Variants in PDE10A observed in about 807,000 individuals in gnomAD.
The protein encoded by PDE10A is phosphodiesterase 10A.
Under a neutral mutation model 97.7 loss-of-function variants are expected in PDE10A, and 39 were observed. The observed-to-expected ratio is 0.40, with a 90% confidence interval of 0.31 to 0.52. The LOEUF (loss-of-function observed/expected upper bound fraction) is 0.52, where lower values mean the gene tolerates loss of function less well. PDE10A is among the 20% of genes least tolerant of loss of function. The pLI is 0.56. For synonymous variants in PDE10A, 371 were observed against 376.8 expected, an observed-to-expected ratio of 0.98 and a Z score of 0.18; for missense variants, 731 against 1,047.8, an observed-to-expected ratio of 0.70 and a Z score of 4.17.
rs926145196 is a variant in PDE10A at position 165,932,883 on chromosome 6, G to A, written c.-615+54646C>T. Among the ~76,000 whole-genome samples the A allele has an allele frequency of 1.3e-4, 20 of 152,322 alleles. No homozygotes were observed. The East Asian group carries it at 1.5e-3, about 12-fold the overall frequency. ...TGGATAGCAGGTTGCCCTGCTCCAG[G>A]CATTCCCCTCCACAACCCCTCCAAG... is the stretch of plus-strand genomic sequence containing the variant. On this transcript the variant is annotated intron_variant, in intron 1 of 19. Coordinates refer to the PDE10A transcript ENST00000366882.
chr6:165,488,629 G>A (rs959084087), intron 2 of PDE10A, among the ~76,000 whole-genome samples: 1 of 152,136 alleles, frequency 6.6e-6, no homozygotes, highest in Non-Finnish European at 1.5e-5. Flanking sequence ...GCAGCTGCAG[G>A]CTCCATGAGA....
intron 2 of PDE10A, among the ~76,000 whole-genome samples, chr6:165,502,228 T>G (rs978314183): frequency 1.3e-5 from 2 of 152,042 alleles, no homozygotes; most frequent in East Asian, 3.9e-4. Context: ...ACAGTAGACA[T>G]AAAAGACACA....
intron 18 of PDE10A, among the ~76,000 whole-genome samples, chr6:165,354,942 GTGAATTT>G (rs149247754): frequency 0.076 from 11,534 of 152,190 alleles, 501 homozygotes; most frequent in Middle Eastern, 0.2. Flanking sequence ...ATGTAAATGT[GTGAATTT>G]TGAACTCATT....
chr6:165,859,359 T>A (rs2128476360), intron 1 of PDE10A, among the ~76,000 whole-genome samples: 1 of 152,358 alleles, frequency 6.6e-6, no homozygotes, highest in African/African-American at 2.4e-5. Context: ...ACTGGTGTTG[T>A]GCTTAACATA....
chr6:165,362,091 A>C (rs1405201630), intron 18 of PDE10A, among the ~76,000 whole-genome samples: 1 of 152,216 alleles, frequency 6.6e-6, no homozygotes, highest in African/African-American at 2.4e-5. Context: ...TTAAGAAAGA[A>C]GAAATAATTC....
chr6:165,917,671 C>T (rs1002939123), intron 1 of PDE10A, among the ~76,000 whole-genome samples: 1 of 152,238 alleles, frequency 6.6e-6, no homozygotes, highest in African/African-American at 2.4e-5. Context: ...CAGCCAGGTG[C>T]TTTGTGCGGC....
chr6:165,644,641 T>C (rs1237840963), intron 1 of PDE10A, among the ~76,000 whole-genome samples: 2 of 152,200 alleles, frequency 1.3e-5, no homozygotes, highest in South Asian at 2.1e-4. Context: ...TATACGTATA[T>C]TGAAACATCA....
chr6:165,407,067 T>G (rs220774), intron 13 of PDE10A, among the ~76,000 whole-genome samples: 77,218 of 151,896 alleles, frequency 0.51, 20,198 homozygotes, highest in Middle Eastern at 0.69. Flanking sequence ...CTTTTTAGCT[T>G]CCATAATCAT....
intron 1 of PDE10A, among the ~76,000 whole-genome samples, chr6:165,869,784 C>A (rs1781150778): frequency 6.6e-6 from 1 of 151,916 alleles, no homozygotes; most frequent in South Asian, 2.1e-4. Flanking sequence ...GAATCAGAAA[C>A]AAATCCATGT....
At chr6:165,697,069 T>C (rs1350940580) in intron 1 of PDE10A, among the ~76,000 whole-genome samples, 1 of 152,108 alleles carries the variant, frequency 6.6e-6, no homozygotes, top group Non-Finnish European at 1.5e-5. Flanking sequence ...CATACCCAAA[T>C]ACATATCATG....
intron 18 of PDE10A, among the ~76,000 whole-genome samples, chr6:165,357,112 G>A (rs1421840640): frequency 2.6e-5 from 4 of 152,102 alleles, no homozygotes; most frequent in African/African-American, 9.7e-5. Flanking sequence ...AATTTTGTCA[G>A]ATGCTTTTTC....
intron 1 of PDE10A, among the ~76,000 whole-genome samples, chr6:165,872,342 C>A (rs1404513084): frequency 6.6e-6 from 1 of 152,158 alleles, no homozygotes; most frequent in Non-Finnish European, 1.5e-5. Context: ...AGACTCCTCC[C>A]TTTTAGTGAC....
At chr6:165,968,118 G>A (rs191589221) in intron 1 of PDE10A, among the ~76,000 whole-genome samples, 13 of 152,288 alleles carry the variant, frequency 8.5e-5, no homozygotes, top group East Asian at 3.9e-4. Flanking sequence ...TGAGTTGGTG[G>A]GTGGCAGTGC....
At chr6:165,561,884 T>C (rs1203378094) in intron 1 of PDE10A, among the ~76,000 whole-genome samples, 1 of 152,234 alleles carries the variant, frequency 6.6e-6, no homozygotes, top group Non-Finnish European at 1.5e-5. Flanking sequence ...AGCATTATTA[T>C]TTTTAATAGT....
intron 1 of PDE10A, among the ~76,000 whole-genome samples, chr6:165,798,818 G>A (rs958903997): frequency 2.0e-5 from 3 of 152,008 alleles, no homozygotes; most frequent in Non-Finnish European, 2.9e-5. Flanking sequence ...GGCGATTCTC[G>A]TGCCTCAGCT....
intron 1 of PDE10A, among the ~76,000 whole-genome samples, chr6:165,749,202 CCATCATCACCATCACCATCATAT>C (rs1792913690): frequency 1.4e-5 from 1 of 71,354 alleles, no homozygotes; most frequent in Non-Finnish European, 3.8e-5. Flanking sequence ...ATCACCATCA[CCATCATCACCATCACCATCATAT>C]CACCATCACC....
chr6:165,648,023 CT>C (rs969746663), intron 1 of PDE10A, among the ~76,000 whole-genome samples: 1 of 151,748 alleles, frequency 6.6e-6, no homozygotes, highest in African/African-American at 2.4e-5. Flanking sequence ...TTTCTTTTTT[CT>C]TTTTTTTGAG....
intron 18 of PDE10A, among the ~76,000 whole-genome samples, chr6:165,362,983 G>T (rs541261626): frequency 6.6e-6 from 1 of 152,072 alleles, no homozygotes; most frequent in Admixed American, 6.6e-5. Flanking sequence ...CTCGATAGAT[G>T]CAGATAAAGC....
intron 1 of PDE10A, among the ~76,000 whole-genome samples, chr6:165,680,846 T>C (rs1276797796): frequency 6.6e-6 from 1 of 152,308 alleles, no homozygotes; most frequent in East Asian, 1.9e-4. Flanking sequence ...GTTGTGCCAT[T>C]GCACTCCAGC....
Sources: gnomAD v4.1 joint callset for allele counts (sites outside exome capture counted in the v4.1 genomes callset) on GRCh38, gnomAD v4.1.1 for gene constraint, MANE v1.5 for transcripts, NCBI Gene and HGNC (gene_info 2026-07-23, HGNC 2026-07-21) for gene names.